PAM: variants seen among roughly 807,000 people sequenced by gnomAD.
PAM encodes peptidylglycine alpha-amidating monooxygenase, also known as peptidyl-glycine alpha-amidating monooxygenase.
PAM carries 72 observed loss-of-function variants against 122.1 expected under a neutral mutation model. That is an observed-to-expected ratio of 0.59 (90% CI 0.49 to 0.72). PAM has a LOEUF of 0.72. Ranked by LOEUF, PAM falls within the 30% of genes least tolerant of loss-of-function variation. The pLI is 0.00. For synonymous variants in PAM, 389 were observed against 404.4 expected (o/e 0.96, Z 0.46); for missense variants, 1,106 against 1,183.7 (o/e 0.93, Z 0.96).
intron 1 of PAM, among the ~76,000 whole-genome samples, chr5:102,788,909 T>C (rs1184728268): frequency 1.3e-5 from 2 of 152,134 alleles, no homozygotes; most frequent in African/African-American, 2.4e-5. Flanking sequence ...CAGGGGAACA[T>C]GTCAGATGCA....
At chr5:102,780,643 A>C (rs1402177457) in intron 1 of PAM, among the ~76,000 whole-genome samples, 2 of 152,006 alleles carry the variant, frequency 1.3e-5, no homozygotes, top group Non-Finnish European at 2.9e-5. Context: ...TCCCCACACC[A>C]GCCCTGACAA....
chr5:102,826,518 A>G (rs1331267486), intron 1 of PAM, among the ~76,000 whole-genome samples: 1 of 152,164 alleles, frequency 6.6e-6, no homozygotes, highest in Non-Finnish European at 1.5e-5. Context: ...TTTTGAGAGG[A>G]AAAAACATTC....
intron 3 of PAM, among the ~76,000 whole-genome samples, chr5:102,898,304 C>T (rs1340496746): frequency 2.0e-5 from 3 of 151,460 alleles, no homozygotes; most frequent in Non-Finnish European, 3.0e-5. Flanking sequence ...TAGTATTTTA[C>T]AGACAGTCCC....
At chr5:102,867,998 T>C (rs1442329335) in intron 3 of PAM, among the ~76,000 whole-genome samples, 1 of 152,210 alleles carries the variant, frequency 6.6e-6, no homozygotes, top group Non-Finnish European at 1.5e-5. Flanking sequence ...TAGAACTAGG[T>C]TGCTGCTAGG....
At chr5:102,780,293 A>G (rs187732565) in intron 1 of PAM, among the ~76,000 whole-genome samples, 1 of 152,270 alleles carries the variant, frequency 6.6e-6, no homozygotes, top group Admixed American at 6.5e-5. Flanking sequence ...AGACTACTGT[A>G]CCACCATTGG....
In PAM at chr5:102,758,068, A is replaced by AT. The variant is rs1751039527; in HGVS notation, c.-374+2724dup. ...AAAAAAAAAAAAAAAAAGACTTAGA[A>AT]TTTTGTTTTTTTTTTTTTTTTTTTT... On this transcript the variant is annotated intron_variant, in intron 1 of 25. Coordinates refer to ENST00000438793, the MANE Select transcript of PAM (RefSeq NM_001177306.2). 1.4e-3 allele frequency among the ~76,000 whole-genome samples: 126 copies of AT among 87,598 alleles called. 1 individual carries two copies. Among genetic ancestry groups the AT allele is most frequent in the African/African-American group, 1.6e-3 (37 of 23,104 alleles). The allele number at this position is 87,598 out of a possible 152,430, so 57.5% of individuals were successfully genotyped here. A position where few individuals can be genotyped will look rare whatever the true frequency, so the allele number is the denominator to read the frequency against.
At chr5:102,892,127 T>C (rs1794946323) in intron 3 of PAM, among the ~76,000 whole-genome samples, 1 of 151,802 alleles carries the variant, frequency 6.6e-6, no homozygotes, top group Admixed American at 6.6e-5. Flanking sequence ...GAAAGTGTCA[T>C]TCTTGAAAAG....
Position 103,002,970 on chromosome 5 carries a change from G to A in PAM, c.1614-63G>A, listed in dbSNP as rs1777835591. The A allele has an allele frequency of 3.8e-6, 3 of 787,098 alleles. No homozygotes were observed. In the South Asian group the frequency reaches 4.2e-5, roughly 11 times the overall value. 48.8% of individuals were successfully genotyped at this position (787,098 alleles called of 1,614,324 possible). On this transcript the variant is annotated intron_variant, in intron 16 of 25. Transcript: ENST00000438793. ...GATTTTGTATTTATGTGAATGGTCT[G>A]CATTTCTCAATTTCATTGGAATTTA...
chr5:103,027,032 C>T (rs1222675210), intron 24 of PAM, among the ~76,000 whole-genome samples: 2 of 152,154 alleles, frequency 1.3e-5, no homozygotes, highest in Non-Finnish European at 2.9e-5. Flanking sequence ...CATTATTTGA[C>T]CGTGTTTTAC....
At chr5:102,914,121 G>A in intron 5 of PAM, 100 bp downstream of exon 5, 2 of 696,180 alleles carry the variant, frequency 2.9e-6, no homozygotes, top group Admixed American at 4.5e-5. Context: ...TAATAAATAG[G>A]CAGAACATTT....
chr5:102,778,280 G>A (rs866036247), intron 1 of PAM, among the ~76,000 whole-genome samples: 1 of 151,922 alleles, frequency 6.6e-6, no homozygotes, highest in African/African-American at 2.4e-5. Context: ...GTTTATATTC[G>A]TTCTATCTTC....
At chr5:103,003,271 G>A in intron 17 of PAM, 122 bp downstream of exon 17, 1 of 540,194 alleles carries the variant, frequency 1.9e-6, no homozygotes. Flanking sequence ...AAAACTAACT[G>A]GGCCATCCCA....
At chr5:102,808,494 C>T (rs1401298202) in intron 1 of PAM, among the ~76,000 whole-genome samples, 1 of 152,174 alleles carries the variant, frequency 6.6e-6, no homozygotes, top group Non-Finnish European at 1.5e-5. Flanking sequence ...TGGTAAACAG[C>T]AATAGCTTTT....
chr5:103,007,676 TTTG>T lies in PAM; in HGVS notation c.2215+24_2215+26del, dbSNP rs1447557588. 2.1e-6 allele frequency: 3 copies of T among 1,452,828 alleles called. No individual in the cohort carries two copies. The highest frequency in any genetic ancestry group is 2.9e-6 in the Non-Finnish European group (3 of 1,034,320). The allele number at this position is 1,452,828 out of a possible 1,614,324, so 90.0% of individuals were successfully genotyped here. On this transcript the variant is annotated intron_variant, in intron 20 of 25. Coordinates refer to ENST00000438793, the MANE Select transcript of PAM (RefSeq NM_001177306.2). ...ATACCAGGTATTTCATCTTAATATG[TTTG>T]TTGTCTTCTGTCCTACTGTACTCTA...
At position 102,833,111 on chromosome 5, in the gene PAM, T is replaced by A. The variant is rs138318805; in HGVS notation, c.-373-32712T>A. ...AATATAACAACAAAATAGAAATACA[T>A]AGGACAACTGAAAAGAGAGAAAAAG... On this transcript the variant is annotated intron_variant, in intron 1 of 25. Transcript: ENST00000438793. 3.9e-3 allele frequency among the ~76,000 whole-genome samples: 596 copies of A among 152,088 alleles called. 7 individuals carry two copies. The highest frequency in any genetic ancestry group is 0.013 in the African/African-American group (544 of 41,490).
At chr5:102,926,255 C>T (rs899477808) in intron 6 of PAM, among the ~76,000 whole-genome samples, 23 of 152,256 alleles carry the variant, frequency 1.5e-4, no homozygotes, top group East Asian at 7.7e-4. Flanking sequence ...CCACCGCGCC[C>T]GGCTAATGTA....
At chr5:102,847,498 A>C (rs7701053) in intron 1 of PAM, among the ~76,000 whole-genome samples, 16,785 of 152,122 alleles carry the variant, frequency 0.11, 2,163 homozygotes, top group African/African-American at 0.31. Context: ...GCATGGTTTC[A>C]CTGGGATCAT....
At chr5:102,979,038 A>T (rs1358099170) in intron 15 of PAM, among the ~76,000 whole-genome samples, 1 of 150,172 alleles carries the variant, frequency 6.7e-6, no homozygotes, top group African/African-American at 2.5e-5. Flanking sequence ...CATCACACAC[A>T]CACACACACA....
At position 102,922,593 on chromosome 5, in the gene PAM, A is replaced by C. The variant is rs531792274; in HGVS notation, c.357-2364A>C. Among the ~76,000 whole-genome samples, 126 of 152,344 alleles carry C rather than the reference A, an allele frequency of 8.3e-4. 1 individual carries two copies. Among genetic ancestry groups the C allele is most frequent in the African/African-American group, 2.8e-3 (117 of 41,584 alleles). On this transcript the variant is annotated intron_variant, in intron 5 of 25. Transcript: ENST00000438793. ...TTGAGCCAACAAATGACATAATCAA[A>C]TGTATAACTTAGAAAAAGTTACTAA...
Sources: allele counts gnomAD v4.1 joint callset (sites outside exome capture counted in the v4.1 genomes callset), GRCh38; gene constraint gnomAD v4.1.1; transcripts MANE v1.5; gene names NCBI Gene and HGNC (gene_info 2026-07-23, HGNC 2026-07-21).